The following AUTS2 variants were observed in gnomAD, a reference collection of about 807,000 sequenced individuals.
AUTS2 encodes the protein autism susceptibility gene 2 protein.
A neutral mutation model predicts 112.4 loss-of-function variants in AUTS2; 17 were observed. The observed-to-expected ratio is 0.15, with a 90% CI of 0.10 to 0.23. The LOEUF (loss-of-function observed/expected upper bound fraction) is 0.23. AUTS2 is among the 10% of genes least tolerant of loss of function. The probability of loss-of-function intolerance (pLI) is 1.00; values close to 1 mark genes in which losing one functional copy is unlikely to be tolerated. For missense variants in AUTS2, 1,510 were observed against 1,701.6 expected (o/e 0.89, Z 1.98); for synonymous variants, 751 against 702.7 (o/e 1.07, Z -1.09).
intron 2 of AUTS2, among the ~76,000 whole-genome samples, chr7:70,107,086 A>G (rs1804803591): frequency 6.6e-6 from 1 of 152,192 alleles, no homozygotes; most frequent in Non-Finnish European, 1.5e-5. Context: ...AAAAATTTTC[A>G]AATGCCAGGA....
rs547433245 is a variant in AUTS2 at position 70,464,477 on chromosome 7, A to G, written c.690+28696A>G. Among the ~76,000 whole-genome samples the G allele has an allele frequency of 5.6e-4, 85 of 152,366 alleles. 1 individual carries two copies. In the South Asian group the frequency reaches 6.4e-3, roughly 12 times the overall value. On this transcript the variant is annotated intron_variant, in intron 5 of 18. Coordinates refer to ENST00000342771, the MANE Select transcript of AUTS2 (RefSeq NM_015570.4). ...ATCTTTGCAACAACACAATAAAATA[A>G]GTACCATTTTTATCATCCTATTCAT...
At chr7:70,508,444 T>G (rs908249394) in intron 5 of AUTS2, among the ~76,000 whole-genome samples, 2 of 152,196 alleles carry the variant, frequency 1.3e-5, no homozygotes, top group Non-Finnish European at 2.9e-5. Flanking sequence ...TTTTGCAGAT[T>G]AGTACCAGTC....
chr7:69,765,474 T>C (rs1275910396), intron 1 of AUTS2, among the ~76,000 whole-genome samples: 2 of 152,084 alleles, frequency 1.3e-5, no homozygotes, highest in African/African-American at 4.8e-5. Context: ...TTTAAAAAAA[T>C]TAATTACCCC....
At chr7:70,318,533 C>G (rs1169543642) in intron 4 of AUTS2, among the ~76,000 whole-genome samples, 2 of 152,104 alleles carry the variant, frequency 1.3e-5, no homozygotes, top group African/African-American at 4.8e-5. Context: ...GCATGTTAAG[C>G]TGTCATATCA....
chr7:70,539,057 C>T lies in AUTS2; in HGVS notation c.690+103276C>T, dbSNP rs150917102. Among the ~76,000 whole-genome samples the T allele has an allele frequency of 1.1e-3, 166 of 152,208 alleles. 1 individual carries two copies. In the East Asian group the frequency reaches 0.013, roughly 12 times the overall value. The stretch of plus-strand genomic sequence containing the variant: ...CCACAGAGTGACAGGTGGAGGGGAC[C>T]GAATAGTGAGACAGTCACCTGGGAT... On this transcript the variant is annotated intron_variant, in intron 5 of 18. Transcript: ENST00000342771.
chr7:70,330,318 G>A (rs1468198111), intron 4 of AUTS2, among the ~76,000 whole-genome samples: 1 of 152,040 alleles, frequency 6.6e-6, no homozygotes, highest in Non-Finnish European at 1.5e-5. Flanking sequence ...TATGAGGTAG[G>A]GGTCCAATTT....
chr7:70,496,670 G>T (rs868082136), intron 5 of AUTS2, among the ~76,000 whole-genome samples: 4 of 88,662 alleles, frequency 4.5e-5, no homozygotes, highest in African/African-American at 1.4e-4. Flanking sequence ...CATCAGCATC[G>T]ATCACACACC....
At chr7:69,921,826 G>A (rs1188942487) in intron 2 of AUTS2, among the ~76,000 whole-genome samples, 1 of 151,518 alleles carries the variant, frequency 6.6e-6, no homozygotes, top group Admixed American at 6.6e-5. Context: ...AGCATTTTGG[G>A]AGGCTGAGGC....
At chr7:69,981,666 C>G (rs1243993398) in intron 2 of AUTS2, among the ~76,000 whole-genome samples, 1 of 152,128 alleles carries the variant, frequency 6.6e-6, no homozygotes, top group Admixed American at 6.5e-5. Context: ...CTTTGATTAT[C>G]ACATGTCTTG....
At chr7:70,161,245 G>T (rs774180435) in intron 4 of AUTS2, among the ~76,000 whole-genome samples, 1 of 151,520 alleles carries the variant, frequency 6.6e-6, no homozygotes, top group Non-Finnish European at 1.5e-5. Context: ...AATTTGCTGT[G>T]CTTGTTTAAT....
chr7:69,639,218 C>A (rs539876528), intron 1 of AUTS2, among the ~76,000 whole-genome samples: 1 of 152,068 alleles, frequency 6.6e-6, no homozygotes, highest in Non-Finnish European at 1.5e-5. Flanking sequence ...TAAATGATAG[C>A]GAAGTATAAT....
At chr7:70,398,596 A>G (rs972960369) in intron 4 of AUTS2, among the ~76,000 whole-genome samples, 1 of 152,186 alleles carries the variant, frequency 6.6e-6, no homozygotes. Context: ...ATAAATGCAC[A>G]TACTATTATA....
chr7:70,650,703 A>G (rs112598955), intron 5 of AUTS2, among the ~76,000 whole-genome samples: 2 of 152,242 alleles, frequency 1.3e-5, no homozygotes, highest in Non-Finnish European at 2.9e-5. Context: ...TGAGAAGTAC[A>G]TACATTTACC....
chr7:70,426,013 A>G (rs1300799335), intron 4 of AUTS2, among the ~76,000 whole-genome samples: 2 of 147,432 alleles, frequency 1.4e-5, no homozygotes, highest in African/African-American at 2.7e-5. Flanking sequence ...CAATAGCCCC[A>G]TTTAATAGAT....
intron 5 of AUTS2, among the ~76,000 whole-genome samples, chr7:70,586,052 A>G (rs1802673535): frequency 6.6e-6 from 1 of 151,994 alleles, no homozygotes; most frequent in Non-Finnish European, 1.5e-5. Context: ...TAGTACAGAC[A>G]GAGTTTCACC....
intron 4 of AUTS2, among the ~76,000 whole-genome samples, chr7:70,435,161 C>T (rs541262365): frequency 6.6e-6 from 1 of 152,086 alleles, no homozygotes; most frequent in African/African-American, 2.4e-5. Flanking sequence ...AGGGAATGTT[C>T]CTTCTATTCT....
intron 6 of AUTS2, among the ~76,000 whole-genome samples, chr7:70,748,548 C>T (rs17604413): frequency 0.056 from 8,487 of 152,182 alleles, 312 homozygotes; most frequent in Non-Finnish European, 0.086. Flanking sequence ...TTTACAGCTA[C>T]GTAGGATGTA....
At chr7:70,713,880 AACAAG>A (rs1184291285) in intron 6 of AUTS2, among the ~76,000 whole-genome samples, 2 of 140,984 alleles carry the variant, frequency 1.4e-5, no homozygotes, top group Non-Finnish European at 3.1e-5. Context: ...TGGGCGACAG[AACAAG>A]ACTCCGTCTC....
chr7:70,416,970 C>A (rs954677407), intron 4 of AUTS2, among the ~76,000 whole-genome samples: 2 of 152,162 alleles, frequency 1.3e-5, no homozygotes, highest in Non-Finnish European at 2.9e-5. Flanking sequence ...TTGAAACAAG[C>A]CTTGTGGCTT....
Sources: gnomAD v4.1 joint callset for allele counts (sites outside exome capture counted in the v4.1 genomes callset) on GRCh38, gnomAD v4.1.1 for gene constraint, MANE v1.5 for transcripts, NCBI Gene and HGNC (gene_info 2026-07-23, HGNC 2026-07-21) for gene names.